Variants in ROS1 observed in about 807,000 individuals in gnomAD.
ROS1 encodes ROS proto-oncogene 1, receptor tyrosine kinase, also known as proto-oncogene tyrosine-protein kinase ROS.
Under a neutral mutation model 273.5 loss-of-function variants are expected in ROS1, and 263 were observed. The ratio of observed to expected loss-of-function variants is 0.96; its 90% confidence interval spans 0.87 to 1.06. The LOEUF (loss-of-function observed/expected upper bound fraction) is 1.06. Ranked by LOEUF, ROS1 falls within the 50% of genes least tolerant of loss-of-function variation. The pLI, the probability that ROS1 is intolerant of heterozygous loss-of-function variation, is 0.00. For missense variants in ROS1, 2,833 were observed against 2,751.1 expected (o/e 1.03, Z -0.67); for synonymous variants, 1,008 against 954.1 (o/e 1.06, Z -1.04).
chr6:117,388,272 A>G (rs923976817), intron 13 of ROS1, among the ~76,000 whole-genome samples: 1 of 152,178 alleles, frequency 6.6e-6, no homozygotes, highest in Non-Finnish European at 1.5e-5. Context: ...TAATTGTCAG[A>G]GGGGTTCTCT....
At position 117,344,161 on chromosome 6, in the gene ROS1, G is replaced by T. The variant is rs963068602; in HGVS notation, c.4405C>A (p.Leu1469Ile). ...GGGCTGGTGATGCCATACCATGTGA[G>T]GTTTGTCTTGGCCAGAGGTAATCTG... ...TIRLPLAKTN[L>I]TWYGITSPTP... The change falls in exon 28 of 44, where the codon CTC (leucine) becomes ATC (isoleucine). Residue 1469 changes from leucine (L) to isoleucine (I), a missense_variant. By Grantham distance (5) the Leu-to-Ile change is conservative. Transcript: ENST00000368507. The T allele has an allele frequency of 3.1e-6, 5 of 1,613,832 alleles. No homozygotes were observed. The highest frequency in any genetic ancestry group is 4.2e-6 in the Non-Finnish European group (5 of 1,179,894).
chr6:117,419,046 A>G lies in ROS1; in HGVS notation c.124-540T>C, dbSNP rs557067553. 7.2e-4 allele frequency among the ~76,000 whole-genome samples: 110 copies of G among 152,352 alleles called. 2 individuals are homozygous for G. The highest frequency in any genetic ancestry group is 1.6e-4 in the Non-Finnish European group (11 of 68,018). On this transcript the variant is annotated intron_variant, in intron 1 of 43. Coordinates refer to ENST00000368507, the MANE Select transcript of ROS1 (RefSeq NM_001378902.1). ...GGTCATAATTTGAATAGAGTCCTTCATAAACAAGACAGTTTACAAAGGATG... is the reference window on the plus strand; with the variant it reads ...GGTCATAATTTGAATAGAGTCCTTCGTAAACAAGACAGTTTACAAAGGATG...
At chr6:117,342,294 T>G in intron 29 of ROS1, 106 bp downstream of exon 29, 1 of 1,110,346 alleles carries the variant, frequency 9.0e-7, no homozygotes, top group Non-Finnish European at 1.3e-6. Context: ...TAAAAAAGCT[T>G]ACTAAAATTA....
chr6:117,368,211 G>T (rs1780429639), intron 18 of ROS1, among the ~76,000 whole-genome samples: 1 of 151,914 alleles, frequency 6.6e-6, no homozygotes, highest in South Asian at 2.1e-4. Flanking sequence ...TTCTGAAGTT[G>T]TAACAGTTGT....
Position 117,403,194 on chromosome 6 carries a change from C to T in ROS1, c.549G>A (p.Ala183=), listed in dbSNP as rs746065608. ...TTGGAGGGGAGTAGAGCTGCAGCTG[C>T]GCTGTGAAGATCCAAACCACTCGGA... ...YIFRVVWIFT[A]QLQLYSPPSP... is the part of the protein sequence containing the mutation. The change falls in exon 7 of 44, where the codon GCG becomes GCA. Residue 183 remains alanine (A), a synonymous_variant. Transcript: ENST00000368507. The T allele has an allele frequency of 1.6e-5, 25 of 1,612,734 alleles. No homozygotes were observed. The highest frequency in any genetic ancestry group is 1.3e-4 in the Admixed American group (8 of 59,654).
At chr6:117,373,186 T>A (rs1417501537) in intron 18 of ROS1, among the ~76,000 whole-genome samples, 1 of 152,198 alleles carries the variant, frequency 6.6e-6, no homozygotes, top group Non-Finnish European at 1.5e-5. Context: ...ACATAAAAGT[T>A]CTCCAAGTCT....
intron 41 of ROS1, among the ~76,000 whole-genome samples, chr6:117,309,595 G>C (rs143601153): frequency 3.5e-4 from 54 of 152,186 alleles, no homozygotes; most frequent in African/African-American, 1.3e-3. Context: ...ATTTTGAGCT[G>C]TTCTATTCAA....
intron 27 of ROS1, among the ~76,000 whole-genome samples, chr6:117,346,635 G>A (rs1582690269): frequency 1.3e-5 from 2 of 151,772 alleles, no homozygotes; most frequent in Admixed American, 6.6e-5. Context: ...TGAGAGGAAT[G>A]TACCAAGATT....
chr6:117,326,318 GT>G lies in ROS1; in HGVS notation c.5444del (p.Asn1815ThrfsTer2). On this transcript the variant is annotated frameshift_variant, in exon 34 of 44. Coordinates refer to ENST00000368507, the MANE Select transcript of ROS1 (RefSeq NM_001378902.1). LOFTEE classifies it high-confidence loss of function. ...CTCTGAACTGAAATATTCCTTTCAGGTTTTTGGACTTCCATGTGCAAACACT... is the reference window on the plus strand; with the variant it reads ...CTCTGAACTGAAATATTCCTTTCAGGTTTTGGACTTCCATGTGCAAACACT... The part of the protein sequence containing the change: ...CSSVCTWKSK[N>X]LKGIFQFRVV... 5 of 1,601,930 alleles carry G rather than the reference GT, an allele frequency of 3.1e-6. No homozygotes were observed. In the South Asian group the frequency reaches 4.5e-5, roughly 14 times the overall value.
intron 43 of ROS1, among the ~76,000 whole-genome samples, chr6:117,292,762 GA>G (rs1180621196): frequency 6.6e-6 from 1 of 152,152 alleles, no homozygotes; most frequent in Non-Finnish European, 1.5e-5. Flanking sequence ...TCATCTCCAG[GA>G]ATAGCGTTGA....
rs1251827246 is a variant in ROS1 at position 117,425,586 on chromosome 6, A to G, written c.71T>C (p.Val24Ala). 6.2e-7 allele frequency: 1 copy of G among 1,612,586 alleles called. No homozygotes were observed. ...FATLGCLWIS[V>A]VQCTVLNSCL... ...GCTATTTAAAACTGTACACTGCACC[A>G]CAGAAATCCATAGGCAGCCAAGAGT... Residue 24 changes from valine (V) to alanine (A), a missense_variant, in exon 1 of 44, where the codon GTG (valine) becomes GCG (alanine). Coordinates refer to ENST00000368507, the MANE Select transcript of ROS1 (RefSeq NM_001378902.1).
chr6:117,308,672 G>T lies in ROS1; in HGVS notation c.6551+122C>A, dbSNP rs1479835931. On this transcript the variant is annotated intron_variant, in intron 42 of 43. Coordinates refer to ENST00000368507, the MANE Select transcript of ROS1 (RefSeq NM_001378902.1). Reference sequence around the variant, plus strand: ...ACAATGAATTGATATTTTATGTGGGGTATACAATATTTAAGTTCCAGTTCT... The same window carrying T: ...ACAATGAATTGATATTTTATGTGGGTTATACAATATTTAAGTTCCAGTTCT... 1.3e-5 allele frequency: 11 copies of T among 846,618 alleles called. No homozygotes were observed. In the East Asian group the frequency reaches 2.4e-4, roughly 19 times the overall value. 52.4% of individuals were successfully genotyped at this position (846,618 alleles called of 1,614,324 possible). A position where few individuals can be genotyped will look rare whatever the true frequency, so the allele number is the denominator to read the frequency against.
intron 35 of ROS1, among the ~76,000 whole-genome samples, chr6:117,321,823 A>T (rs1776310119): frequency 7.1e-6 from 1 of 140,966 alleles, no homozygotes; most frequent in Non-Finnish European, 1.5e-5. Flanking sequence ...TTTCAGTATA[A>T]TGGCAATTTT....
At chr6:117,415,073 A>G (rs1775236465) in intron 3 of ROS1, among the ~76,000 whole-genome samples, 1 of 152,246 alleles carries the variant, frequency 6.6e-6, no homozygotes, top group African/African-American at 2.4e-5. Context: ...ATAACAATCT[A>G]AAAAAGACAG....
intron 43 of ROS1, chr6:117,299,530 C>T (rs1774516015): frequency 6.6e-6 from 1 of 152,174 alleles, no homozygotes; most frequent in African/African-American, 2.4e-5. Context: ...TAGGAAAGGA[C>T]CATTCTTTAA....
In ROS1 at chr6:117,393,340, T is replaced by C. The variant is rs371365182; in HGVS notation, c.1192-19A>G. On this transcript the variant is annotated intron_variant, in intron 11 of 43. Transcript: ENST00000368507. ...CACATACCTAAAAAAATAAAAAATA[T>C]ACCGGTAGGATTAGCATCTGTCTAT... 1 of 1,429,718 alleles carries C rather than the reference T, an allele frequency of 7.0e-7. No individual in the cohort carries two copies. The highest frequency in any genetic ancestry group is 1.8e-4 in the Middle Eastern group (1 of 5,682). The allele number at this position is 1,429,718 out of a possible 1,614,324, so 88.6% of individuals were successfully genotyped here. A position where few individuals can be genotyped will look rare whatever the true frequency, so the allele number is the denominator to read the frequency against.
At chr6:117,421,036 TC>T (rs201331227) in intron 1 of ROS1, among the ~76,000 whole-genome samples, 3 of 151,772 alleles carry the variant, frequency 2.0e-5, no homozygotes, top group African/African-American at 7.3e-5. Context: ...CTGTACCTTT[TC>T]CCAACTATAA....
chr6:117,299,234 T>A (rs1285927941), intron 43 of ROS1: 1 of 152,134 alleles, frequency 6.6e-6, no homozygotes. Flanking sequence ...ATGATCAGAG[T>A]TTTATGCTCA....
chr6:117,344,796 T>C (rs1389113075), intron 27 of ROS1, among the ~76,000 whole-genome samples: 1 of 152,152 alleles, frequency 6.6e-6, no homozygotes, highest in African/African-American at 2.4e-5. Context: ...TGGAGCTCCC[T>C]GGCCACCGCT....
Sources: gnomAD v4.1 joint callset for allele counts (sites outside exome capture counted in the v4.1 genomes callset) on GRCh38, gnomAD v4.1.1 for gene constraint, MANE v1.5 for transcripts, NCBI Gene and HGNC (gene_info 2026-07-23, HGNC 2026-07-21) for gene names.